CPED1: variants seen among roughly 807,000 people sequenced by gnomAD.
CPED1 encodes the protein cadherin-like and PC-esterase domain-containing protein 1.
Under a neutral mutation model 128.2 loss-of-function variants are expected in CPED1, and 114 were observed. The ratio of observed to expected loss-of-function variants is 0.89; its 90% CI spans 0.76 to 1.04. The LOEUF is 1.04. Ranked by LOEUF, CPED1 falls within the 50% of genes least tolerant of loss-of-function variation. The pLI is 0.00. For missense variants in CPED1, 1,211 were observed against 1,207.1 expected (o/e 1.00, Z -0.05); for synonymous variants, 462 against 426.7 (o/e 1.08, Z -1.02).
chr7:121,185,376 C>T (rs1465235249), intron 16 of CPED1, among the ~76,000 whole-genome samples: 3 of 152,088 alleles, frequency 2.0e-5, no homozygotes, highest in African/African-American at 7.2e-5. Flanking sequence ...CATAGAAAGA[C>T]ATGCATTGTA....
chr7:121,091,816 G>A lies in CPED1; in HGVS notation c.617-5883G>A, dbSNP rs6961525. 4.6e-5 allele frequency among the ~76,000 whole-genome samples: 7 copies of A among 151,998 alleles called. No homozygotes were observed. In the South Asian group the frequency reaches 6.2e-4, roughly 14 times the overall value. On this transcript the variant is annotated intron_variant, in intron 5 of 22. Coordinates refer to ENST00000310396, the MANE Select transcript of CPED1 (RefSeq NM_024913.5). ...GGCATCTATTAATAAACAGAAATTC[G>A]TGTTTTTAAAATGTTATTTATAATA...
intron 13 of CPED1, among the ~76,000 whole-genome samples, chr7:121,134,759 T>C (rs1795749078): frequency 6.6e-6 from 1 of 151,818 alleles, no homozygotes; most frequent in South Asian, 2.1e-4. Context: ...TTGGAGAGAG[T>C]GTATGGAAAT....
chr7:121,007,668 G>A (rs992106250), intron 2 of CPED1, among the ~76,000 whole-genome samples: 4 of 152,110 alleles, frequency 2.6e-5, no homozygotes, highest in African/African-American at 9.7e-5. Context: ...CTCCCTTTCT[G>A]TTTACTGAGT....
chr7:121,219,692 A>G (rs1797835151), intron 16 of CPED1, among the ~76,000 whole-genome samples: 1 of 152,066 alleles, frequency 6.6e-6, no homozygotes, highest in Non-Finnish European at 1.5e-5. Flanking sequence ...GCTCATTACT[A>G]GGTGGATTCT....
intron 16 of CPED1, among the ~76,000 whole-genome samples, chr7:121,233,022 T>G (rs751672642): frequency 6.6e-6 from 1 of 152,050 alleles, no homozygotes; most frequent in Non-Finnish European, 1.5e-5. Context: ...ATGAAGTGGG[T>G]GTCCAGAGGA....
At chr7:121,219,517 T>C (rs113770025) in intron 16 of CPED1, among the ~76,000 whole-genome samples, 2,822 of 152,204 alleles carry the variant, frequency 0.019, 87 homozygotes, top group African/African-American at 0.062. Context: ...TTAATACATT[T>C]AGTTGAGTAG....
intron 3 of CPED1, among the ~76,000 whole-genome samples, chr7:121,044,650 C>CTTTTTTTTTTTTTTTTTTTTTTTT (rs58884492): frequency 9.4e-6 from 1 of 106,036 alleles, no homozygotes. Flanking sequence ...ACTTTCTGCT[C>CTTTTTTTTTTTTTTTTTTTTTTTT]TTTTTTTTTT....
chr7:121,125,758 C>A (rs183682036), intron 8 of CPED1, 62 bp from the exon 9 acceptor site: 7 of 1,197,548 alleles, frequency 5.8e-6, no homozygotes, highest in African/African-American at 3.0e-5. Context: ...ATAAATAGTG[C>A]ATTAATAAAC....
At chr7:121,056,419 T>G (rs555460551) in intron 4 of CPED1, among the ~76,000 whole-genome samples, 1 of 152,338 alleles carries the variant, frequency 6.6e-6, no homozygotes, top group East Asian at 1.9e-4. Flanking sequence ...GGCAGTTGGA[T>G]GAGGCAATAC....
At chr7:120,992,504 T>C (rs1466522790) in intron 2 of CPED1, among the ~76,000 whole-genome samples, 1 of 152,176 alleles carries the variant, frequency 6.6e-6, no homozygotes, top group Non-Finnish European at 1.5e-5. Flanking sequence ...ACTAAAAACA[T>C]GCTAAGAACC....
chr7:121,086,689 C>G (rs1365755319), intron 5 of CPED1, among the ~76,000 whole-genome samples: 2 of 152,192 alleles, frequency 1.3e-5, no homozygotes, highest in Admixed American at 6.5e-5. Flanking sequence ...TGCCAACATT[C>G]TCCAAGATAG....
In CPED1 at chr7:121,028,060, A is replaced by G. The variant is rs907156973; in HGVS notation, c.433+12212A>G. ...GAAAACATAGTTTTGGCAAAGCTCT[A>G]CCATGGTACCTACTGATTTGCTAGG... On this transcript the variant is annotated intron_variant, in intron 3 of 22. Transcript: ENST00000310396. Among the ~76,000 whole-genome samples the G allele has an allele frequency of 2.6e-5, 4 of 152,288 alleles. No homozygotes were observed. The South Asian group carries it at 8.3e-4, about 32-fold the overall frequency.
At chr7:121,208,666 A>T (rs2116585998) in intron 16 of CPED1, among the ~76,000 whole-genome samples, 1 of 152,144 alleles carries the variant, frequency 6.6e-6, no homozygotes, top group African/African-American at 2.4e-5. Flanking sequence ...ATAATATTAG[A>T]TCTGAATCCT....
intron 18 of CPED1, among the ~76,000 whole-genome samples, chr7:121,255,484 G>A (rs752805430): frequency 2.6e-5 from 4 of 151,884 alleles, no homozygotes; most frequent in Admixed American, 1.3e-4. Context: ...AACTGGCACT[G>A]TTCCCCTTGA....
intron 7 of CPED1, among the ~76,000 whole-genome samples, chr7:121,124,025 T>C (rs1470217290): frequency 3.9e-5 from 6 of 152,168 alleles, no homozygotes. Flanking sequence ...ACCTAGTTAG[T>C]AGAGTTACAA....
intron 3 of CPED1, among the ~76,000 whole-genome samples, chr7:121,036,270 C>T (rs185981393): frequency 5.3e-5 from 8 of 152,212 alleles, no homozygotes; most frequent in African/African-American, 1.9e-4. Context: ...TTCTCTTTCA[C>T]CATCCCCCAG....
chr7:121,035,964 T>C (rs1263532498), intron 3 of CPED1, among the ~76,000 whole-genome samples: 1 of 152,100 alleles, frequency 6.6e-6, no homozygotes, highest in Non-Finnish European at 1.5e-5. Flanking sequence ...AAATGCCTCT[T>C]GAAACATAAG....
At chr7:121,071,841 C>T (rs1218872505) in intron 5 of CPED1, among the ~76,000 whole-genome samples, 9 of 152,138 alleles carry the variant, frequency 5.9e-5, no homozygotes. Flanking sequence ...GATCTCATTT[C>T]TCTTCAGCTT....
chr7:121,060,763 T>C (rs113621351), intron 4 of CPED1, among the ~76,000 whole-genome samples: 3 of 152,098 alleles, frequency 2.0e-5, no homozygotes, highest in Non-Finnish European at 4.4e-5. Flanking sequence ...AAGCAGGCTG[T>C]CCCAGCCAGC....
Sources: gnomAD v4.1 joint callset for allele counts (sites outside exome capture counted in the v4.1 genomes callset) on GRCh38, gnomAD v4.1.1 for gene constraint, MANE v1.5 for transcripts, NCBI Gene and HGNC (gene_info 2026-07-23, HGNC 2026-07-21) for gene names.